Variants in GLCCI1 observed in about 807,000 individuals in gnomAD.
GLCCI1 encodes glucocorticoid-induced transcript 1 protein.
In GLCCI1, 24 loss-of-function variants were observed where a neutral mutation model predicts 52.2. The ratio of observed to expected loss-of-function variants is 0.46; its 90% CI spans 0.33 to 0.65. The LOEUF (loss-of-function observed/expected upper bound fraction) is 0.65. Among genes scored for constraint, GLCCI1 ranks in the 30% least tolerant of loss-of-function variants. The pLI is 0.02. For synonymous variants in GLCCI1, 310 were observed against 276.5 expected, an observed-to-expected ratio of 1.12 and a Z score of -1.20; for missense variants, 704 against 701.5, an observed-to-expected ratio of 1.00 and a Z score of -0.04.
At chr7:8,004,187 A>C in intron 2 of GLCCI1, 128 bp downstream of exon 2, 3 of 872,868 alleles carry the variant, frequency 3.4e-6, no homozygotes, top group South Asian at 2.3e-5. Context: ...GAAAGGAAAA[A>C]TCCATTGTTT....
rs532302228 is a variant in GLCCI1, at chr7:7,994,915, G to A, written c.458-8993G>A. ...TCACACACTCTCCATATTTGTCCAGGTAATGGTTTCACTTAATACACTAAC... is the reference window on the plus strand; with the variant it reads ...TCACACACTCTCCATATTTGTCCAGATAATGGTTTCACTTAATACACTAAC... On this transcript the variant is annotated intron_variant, in intron 1 of 7. Coordinates refer to ENST00000223145, the MANE Select transcript of GLCCI1 (RefSeq NM_138426.4). 9.5e-4 allele frequency among the ~76,000 whole-genome samples: 145 copies of A among 152,238 alleles called. 4 individuals are homozygous for A. The South Asian group carries it at 0.029, about 31-fold the overall frequency.
At chr7:8,060,074 C>G in intron 4 of GLCCI1, 22 bp from the exon 5 acceptor site, 1 of 1,579,850 alleles carries the variant, frequency 6.3e-7, no homozygotes, top group Non-Finnish European at 8.6e-7. Flanking sequence ...TAATTTGATA[C>G]CACCTTTATC....
chr7:8,065,169 A>G (rs551282856), intron 5 of GLCCI1, among the ~76,000 whole-genome samples: 16 of 152,228 alleles, frequency 1.1e-4, no homozygotes, highest in Admixed American at 3.3e-4. Flanking sequence ...TTCCTAAGCT[A>G]TTGTGAATGT....
At chr7:8,055,832 A>C in intron 4 of GLCCI1, 1 of 188,276 alleles carries the variant, frequency 5.3e-6, no homozygotes, top group Non-Finnish European at 1.1e-5. Context: ...TACTGAAAAA[A>C]CACAAAAAAA....
intron 5 of GLCCI1, among the ~76,000 whole-genome samples, chr7:8,065,114 TGTA>T (rs1171811314): frequency 2.6e-5 from 4 of 152,236 alleles, no homozygotes; most frequent in African/African-American, 9.6e-5. Flanking sequence ...AGCAGTGGTT[TGTA>T]ATTCTCATTC....
intron 6 of GLCCI1, among the ~76,000 whole-genome samples, chr7:8,075,083 T>G (rs943834855): frequency 1.3e-5 from 2 of 152,230 alleles, no homozygotes; most frequent in Non-Finnish European, 2.9e-5. Context: ...TGTGTGTTCC[T>G]AACATCTATT....
chr7:8,051,120 T>C (rs1025254201), intron 3 of GLCCI1, among the ~76,000 whole-genome samples: 2 of 152,212 alleles, frequency 1.3e-5, no homozygotes, highest in Non-Finnish European at 1.5e-5. Context: ...ATTTTCAGCA[T>C]GTTGAATTAT....
At chr7:7,985,705 T>A (rs188416636) in intron 1 of GLCCI1, among the ~76,000 whole-genome samples, 41 of 152,322 alleles carry the variant, frequency 2.7e-4, no homozygotes, top group African/African-American at 9.9e-4. Flanking sequence ...TGGTAAGGTG[T>A]AAGTTTGTTG....
At chr7:8,084,306 T>C (rs1454291765) in intron 6 of GLCCI1, among the ~76,000 whole-genome samples, 1 of 152,234 alleles carries the variant, frequency 6.6e-6, no homozygotes, top group Non-Finnish European at 1.5e-5. Context: ...CAAATTCTGC[T>C]GAAAAAGCCC....
At chr7:8,083,801 A>G (rs760310518) in intron 6 of GLCCI1, among the ~76,000 whole-genome samples, 1 of 152,206 alleles carries the variant, frequency 6.6e-6, no homozygotes, top group Non-Finnish European at 1.5e-5. Context: ...AACAAGCATT[A>G]GTGTGCATCA....
chr7:8,000,152 C>A (rs959985838), intron 1 of GLCCI1, among the ~76,000 whole-genome samples: 1 of 152,104 alleles, frequency 6.6e-6, no homozygotes, highest in African/African-American at 2.4e-5. Flanking sequence ...GGCTTTGCCT[C>A]TCAACAGTTT....
At chr7:8,015,448 A>T (rs1337602094) in intron 2 of GLCCI1, among the ~76,000 whole-genome samples, 1 of 152,200 alleles carries the variant, frequency 6.6e-6, no homozygotes, top group Admixed American at 6.5e-5. Flanking sequence ...ATGAAATGGA[A>T]GCAAGACTGA....
At chr7:8,002,613 A>G (rs1052703289) in intron 1 of GLCCI1, among the ~76,000 whole-genome samples, 2 of 152,212 alleles carry the variant, frequency 1.3e-5, no homozygotes, top group Non-Finnish European at 2.9e-5. Flanking sequence ...TAAACTATGT[A>G]TTCTGATTTC....
chr7:7,992,047 CTTT>C (rs1476162200), intron 1 of GLCCI1, among the ~76,000 whole-genome samples: 2 of 40,872 alleles, frequency 4.9e-5, no homozygotes, highest in African/African-American at 2.4e-4. Context: ...TTTATTTTTT[CTTT>C]CTTTCTTTCT....
Position 8,085,018 on chromosome 7 carries a change from G to C in GLCCI1, c.1298+1G>C. On this transcript the variant is annotated splice_donor_variant, in intron 7 of 7. Coordinates refer to ENST00000223145, the MANE Select transcript of GLCCI1 (RefSeq NM_138426.4). LOFTEE classifies it high-confidence loss of function. ...GAGTGAAGGTCTTTGAGGAAATGGC[G>C]TAAGTAATGTCTTTTTTGTCAGCTG... 4 of 1,613,634 alleles carry C rather than the reference G, an allele frequency of 2.5e-6. No individual in the cohort carries two copies. The highest frequency in any genetic ancestry group is 1.3e-5 in the African/African-American group (1 of 75,006).
chr7:8,048,830 C>T (rs570574462), intron 3 of GLCCI1, among the ~76,000 whole-genome samples: 3 of 152,246 alleles, frequency 2.0e-5, no homozygotes, highest in Non-Finnish European at 2.9e-5. Flanking sequence ...GAGGAAGACT[C>T]AGATGGATCC....
intron 1 of GLCCI1, among the ~76,000 whole-genome samples, chr7:7,992,761 C>T: frequency 6.6e-6 from 1 of 151,926 alleles, no homozygotes; most frequent in East Asian, 1.9e-4. Context: ...ATCTTGTCTC[C>T]TCATTTTTTT....
At chr7:7,976,479 C>CAAAAAAAAAAAAAAAAAAAAAAAAAA (rs35255634) in intron 1 of GLCCI1, among the ~76,000 whole-genome samples, 2 of 24,682 alleles carry the variant, frequency 8.1e-5, no homozygotes, top group African/African-American at 2.0e-4. Context: ...AACTCCATCT[C>CAAAAAAAAAAAAAAAAAAAAAAAAAA]AAAAAAAAAA....
At position 8,025,871 on chromosome 7, in the gene GLCCI1, C is replaced by G. The variant is rs535975964; in HGVS notation, c.696+3302C>G. Among the ~76,000 whole-genome samples, 253 of 152,326 alleles carry G rather than the reference C, an allele frequency of 1.7e-3. 1 individual carries two copies. Among genetic ancestry groups the G allele is most frequent in the African/African-American group, 5.8e-3 (242 of 41,570 alleles). Reference sequence around the variant, plus strand: ...GTATTCTATATCCAGCAAAACTAGTCTTCCAAAGTGAAGGTGAAAAAATGG... The same window carrying G: ...GTATTCTATATCCAGCAAAACTAGTGTTCCAAAGTGAAGGTGAAAAAATGG... On this transcript the variant is annotated intron_variant, in intron 3 of 7. Coordinates refer to ENST00000223145, the MANE Select transcript of GLCCI1 (RefSeq NM_138426.4).
Sources: allele counts gnomAD v4.1 joint callset (sites outside exome capture counted in the v4.1 genomes callset), GRCh38; gene constraint gnomAD v4.1.1; transcripts MANE v1.5; gene names NCBI Gene and HGNC (gene_info 2026-07-23, HGNC 2026-07-21).